UGT1A8: variants seen among roughly 807,000 people sequenced by gnomAD.
UGT1A8 encodes UDP glucuronosyltransferase family 1 member A8.
Under a neutral mutation model 45.3 loss-of-function variants are expected in UGT1A8, and 39 were observed. The observed-to-expected ratio is 0.86, with a 90% CI of 0.67 to 1.12. The LOEUF (loss-of-function observed/expected upper bound fraction) is 1.12. Ranked by LOEUF, UGT1A8 falls within the 50% of genes most tolerant of loss-of-function variation. The probability of loss-of-function intolerance (pLI) is 0.00; values close to 1 mark genes in which losing one functional copy is unlikely to be tolerated. For synonymous variants in UGT1A8, 275 were observed against 249.2 expected, an observed-to-expected ratio of 1.10 and a Z score of -0.97; for missense variants, 719 against 664.9, an observed-to-expected ratio of 1.08 and a Z score of -0.90.
At chr2:233,751,840 C>G (rs55891750) in intron 1 of UGT1A8, among the ~76,000 whole-genome samples, 1 of 152,044 alleles carries the variant, frequency 6.6e-6, no homozygotes, top group Non-Finnish European at 1.5e-5. Flanking sequence ...GGAACTGAGT[C>G]ATTTAAACCT....
At chr2:233,696,598 T>C (rs562696652) in intron 1 of UGT1A8, among the ~76,000 whole-genome samples, 1 of 140,456 alleles carries the variant, frequency 7.1e-6, no homozygotes, top group East Asian at 2.0e-4. Flanking sequence ...CTTTCCAACT[T>C]GGATGCCCTT....
chr2:233,755,460 GC>G, intron 1 of UGT1A8: 1 of 281,180 alleles, frequency 3.6e-6, no homozygotes, highest in South Asian at 3.7e-5. Context: ...GACTGGCCCT[GC>G]TCTCTGTGAG....
intron 1 of UGT1A8, among the ~76,000 whole-genome samples, chr2:233,763,526 CCT>C (rs1427600025): frequency 1.3e-5 from 2 of 152,212 alleles, no homozygotes; most frequent in Non-Finnish European, 2.9e-5. Context: ...TTGCCATTCT[CCT>C]TTTTCCGGAT....
At chr2:233,664,865 T>G (rs935407168) in intron 1 of UGT1A8, among the ~76,000 whole-genome samples, 2 of 152,208 alleles carry the variant, frequency 1.3e-5, no homozygotes, top group Non-Finnish European at 2.9e-5. Flanking sequence ...TCATGAATCC[T>G]TTTGTGCCAC....
At chr2:233,622,616 C>T (rs1412462187) in intron 1 of UGT1A8, among the ~76,000 whole-genome samples, 1 of 152,142 alleles carries the variant, frequency 6.6e-6, no homozygotes, top group African/African-American at 2.4e-5. Context: ...TTTGTAGATT[C>T]TGGATATGAG....
At position 233,677,470 on chromosome 2, in the gene UGT1A8, T is replaced by C. The variant is rs111818188; in HGVS notation, c.855+58908T>C. Among the ~76,000 whole-genome samples, 1,389 of 152,292 alleles carry C rather than the reference T, an allele frequency of 9.1e-3. 20 individuals are homozygous for C. The highest frequency in any genetic ancestry group is 0.031 in the African/African-American group (1,307 of 41,556). ...AAAGCCTTGCCAATACCATAAACAG[T>C]CAATTAACACATAGTTTGTATGTTA... On this transcript the variant is annotated intron_variant, in intron 1 of 4. Transcript: ENST00000373450.
intron 1 of UGT1A8, chr2:233,648,771 C>A: frequency 1.3e-6 from 1 of 787,658 alleles, no homozygotes; most frequent in South Asian, 1.6e-5. Flanking sequence ...GCCTGGATGC[C>A]ATGACTTTTA....
chr2:233,759,500 C>G (rs1243042735), intron 1 of UGT1A8, among the ~76,000 whole-genome samples: 1 of 152,164 alleles, frequency 6.6e-6, no homozygotes, highest in Non-Finnish European at 1.5e-5. Flanking sequence ...CAGGTTCACA[C>G]TAATAAAGGC....
chr2:233,619,591 A>G (rs552844886), intron 1 of UGT1A8, among the ~76,000 whole-genome samples: 1 of 152,162 alleles, frequency 6.6e-6, no homozygotes, highest in Non-Finnish European at 1.5e-5. Flanking sequence ...CATAAATAAA[A>G]ATTTTCACTA....
chr2:233,743,812 G>C (rs1692526779), intron 1 of UGT1A8: 1 of 1,367,182 alleles, frequency 7.3e-7, no homozygotes, highest in African/African-American at 1.5e-5. Flanking sequence ...TGTTCTCAGG[G>C]TTTTTGTCGG....
chr2:233,648,799 C>A (rs2125473599), intron 1 of UGT1A8: 3 of 930,526 alleles, frequency 3.2e-6, no homozygotes, highest in South Asian at 1.3e-5. Context: ...AGTAAGGAAC[C>A]ACATCTTCTA....
In UGT1A8 at chr2:233,618,500, G is replaced by T. The variant is rs143085154; in HGVS notation, c.793G>T (p.Val265Leu). Residue 265 changes from valine to leucine, a missense_variant, in exon 1 of 5, where the codon GTG becomes TTG. Coordinates refer to ENST00000373450, the MANE Select transcript of UGT1A8 (RefSeq NM_019076.5). ...TDFVLDYPKP[V>L]MPNMIFIGGI... ...CTTTGTTTTGGACTATCCCAAACCCGTGATGCCCAATATGATCTTCATTGG... is the reference window on the plus strand; with the variant it reads ...CTTTGTTTTGGACTATCCCAAACCCTTGATGCCCAATATGATCTTCATTGG... 6.2e-6 allele frequency: 10 copies of T among 1,613,790 alleles called. No individual in the cohort carries two copies. Among genetic ancestry groups the T allele is most frequent in the Non-Finnish European group, 8.5e-6 (10 of 1,179,790 alleles).
intron 1 of UGT1A8, among the ~76,000 whole-genome samples, chr2:233,723,239 T>G (rs1575545383): frequency 9.2e-6 from 1 of 108,658 alleles, no homozygotes; most frequent in African/African-American, 4.5e-5. Context: ...TGAGTTGGAG[T>G]CCTGCTGTCA....
chr2:233,666,817 A>G (rs1275382481), intron 1 of UGT1A8, among the ~76,000 whole-genome samples: 1 of 106,120 alleles, frequency 9.4e-6, no homozygotes, highest in Non-Finnish European at 1.8e-5. Context: ...ATCCCACAAC[A>G]GGCCCTGGTG....
chr2:233,690,797 ACAC>A, intron 1 of UGT1A8: 1 of 1,089,612 alleles, frequency 9.2e-7, no homozygotes, highest in Non-Finnish European at 1.1e-6. Flanking sequence ...ACACACACAC[ACAC>A]CATTCTTAGT....
At chr2:233,636,475 TCA>T (rs1181695332) in intron 1 of UGT1A8, 12 of 1,582,394 alleles carry the variant, frequency 7.6e-6, no homozygotes, top group Non-Finnish European at 7.7e-6. Flanking sequence ...GCCTACTGTA[TCA>T]TAGCAGCTTA....
At position 233,618,294 on chromosome 2, in the gene UGT1A8, G is replaced by C. The variant is rs137929467; in HGVS notation, c.587G>C (p.Gly196Ala). The C allele has an allele frequency of 1.6e-5, 26 of 1,613,684 alleles. No individual in the cohort carries two copies. The highest frequency in any genetic ancestry group is 2.1e-5 in the Non-Finnish European group (25 of 1,179,838). ...TCCTATGTCCCCAGAATTCTCTTAG[G>C]GTTCTCAGATGCCATGACTTTCAAG... The part of the protein sequence containing the change: ...PLSYVPRILL[G>A]FSDAMTFKER... Residue 196 changes from glycine (G) to alanine (A), a missense_variant, in exon 1 of 5, where the codon GGG (glycine) becomes GCG (alanine). Transcript: ENST00000373450.
At chr2:233,710,183 T>C (rs1189397959) in intron 1 of UGT1A8, among the ~76,000 whole-genome samples, 1 of 152,232 alleles carries the variant, frequency 6.6e-6, no homozygotes, top group East Asian at 1.9e-4. Context: ...TTGATGGACA[T>C]GTGGATAGTT....
intron 1 of UGT1A8, among the ~76,000 whole-genome samples, chr2:233,752,870 C>T (rs896364354): frequency 6.6e-6 from 1 of 152,212 alleles, no homozygotes; most frequent in Non-Finnish European, 1.5e-5. Flanking sequence ...TGTTAGCTTT[C>T]AACTGTTAAA....
Sources: gnomAD v4.1 joint callset for allele counts (sites outside exome capture counted in the v4.1 genomes callset) on GRCh38, gnomAD v4.1.1 for gene constraint, MANE v1.5 for transcripts, NCBI Gene and HGNC (gene_info 2026-07-23, HGNC 2026-07-21) for gene names.